The following LAMC3 variants were observed in gnomAD, a reference collection of about 807,000 sequenced individuals.
LAMC3 encodes the protein laminin subunit gamma-3.
LAMC3 carries 128 observed loss-of-function variants against 173.8 expected under a neutral mutation model. The observed-to-expected ratio is 0.74, with a 90% CI of 0.64 to 0.85. The LOEUF is 0.85. LAMC3 is among the 40% of genes least tolerant of loss of function. The pLI is 0.00. For synonymous variants in LAMC3, 897 were observed against 909.1 expected (o/e 0.99, Z 0.24); for missense variants, 2,022 against 2,156.0 (o/e 0.94, Z 1.23).
rs979968382 is a variant in LAMC3 at position 131,009,183 on chromosome 9, C to T, written c.-32C>T. The T allele has an allele frequency of 2.5e-6, 3 of 1,179,846 alleles. No individual in the cohort carries two copies. The highest frequency in any genetic ancestry group is 3.2e-5 in the African/African-American group (2 of 62,132). 73.1% of individuals were successfully genotyped at this position (1,179,846 alleles called of 1,614,324 possible). A position where few individuals can be genotyped will look rare whatever the true frequency, so the allele number is the denominator to read the frequency against. ...CGCGCCCACCCTAGCCGAGCGGGGC[C>T]GGCAGAGCGCGCGGCGTCGGTGCCC... On this transcript the variant is annotated 5_prime_UTR_variant, in exon 1 of 28. Transcript: ENST00000361069. This position sits in a 1 kb window ranked among gnomAD's most constrained non-coding sequence, Gnocchi z 4.3.
chr9:131,012,288 G>A (rs1833430808), intron 1 of LAMC3, among the ~76,000 whole-genome samples: 4 of 152,196 alleles, frequency 2.6e-5, no homozygotes, highest in Admixed American at 2.0e-4. Flanking sequence ...TTTGGACTTA[G>A]GCCCAGCAGA....
chr9:131,056,280 T>C (rs1247124694), intron 11 of LAMC3, among the ~76,000 whole-genome samples: 1 of 152,112 alleles, frequency 6.6e-6, no homozygotes, highest in Non-Finnish European at 1.5e-5. Flanking sequence ...CATTCAGTTA[T>C]GAGTAGCCCA....
In LAMC3 at chr9:131,085,765, C is replaced by CG. The variant is rs1244032411; in HGVS notation, c.4230+48dup. ...TGACAACAGTGGCCTCCTTCCCTCCCGGGGGGACCGCCCTTCCGCGGGCCC... is the reference window on the plus strand; with the variant it reads ...TGACAACAGTGGCCTCCTTCCCTCCCGGGGGGGACCGCCCTTCCGCGGGCCC... On this transcript the variant is annotated intron_variant, in intron 25 of 27. Coordinates refer to ENST00000361069, the MANE Select transcript of LAMC3 (RefSeq NM_006059.4). 3 of 1,591,292 alleles carry CG rather than the reference C, an allele frequency of 1.9e-6. No individual in the cohort carries two copies. The African/African-American group carries it at 4.0e-5, about 21-fold the overall frequency.
intron 24 of LAMC3, among the ~76,000 whole-genome samples, chr9:131,083,806 G>A (rs1039959413): frequency 2.8e-5 from 4 of 144,480 alleles, no homozygotes; most frequent in Non-Finnish European, 6.1e-5. Context: ...TGCCCTCAAA[G>A]ATTAGAAGGC....
chr9:131,052,542 C>T lies in LAMC3; in HGVS notation c.1682C>T (p.Thr561Ile), dbSNP rs199701268. The change falls in exon 10 of 28, where the codon ACC becomes ATC. Residue 561 changes from threonine to isoleucine, a missense_variant. Thr to Ile is a moderately conservative substitution (Grantham distance 89). Transcript: ENST00000361069. ...RFSYGQPLILTFRVPPGDSPL... is the reference protein window; with the variant it reads ...RFSYGQPLILIFRVPPGDSPL... The stretch of plus-strand genomic sequence containing the variant: ...AGCTATGGGCAGCCCCTCATACTGA[C>T]CTTCCGGGTGCCCCCCGGGGACTCC... 8 of 1,614,170 alleles carry T rather than the reference C, an allele frequency of 5.0e-6. No homozygotes were observed. The highest frequency in any genetic ancestry group is 6.8e-6 in the Non-Finnish European group (8 of 1,179,994).
intron 1 of LAMC3, chr9:131,021,113 C>T (rs1045865168): frequency 6.6e-6 from 1 of 152,162 alleles, no homozygotes; most frequent in South Asian, 2.1e-4. Flanking sequence ...AACACAGGCT[C>T]TTCACTGCTT....
At chr9:131,061,799 C>T (rs1433408815) in intron 13 of LAMC3, among the ~76,000 whole-genome samples, 10 of 152,172 alleles carry the variant, frequency 6.6e-5, no homozygotes, top group Admixed American at 5.9e-4. Flanking sequence ...CCTGTAATCT[C>T]AGCACTTTGG....
At chr9:131,055,920 G>A (rs966839041) in intron 11 of LAMC3, among the ~76,000 whole-genome samples, 1 of 152,088 alleles carries the variant, frequency 6.6e-6, no homozygotes, top group Non-Finnish European at 1.5e-5. Context: ...ACTTTAGGCT[G>A]GGCGTGGTGG....
At chr9:131,068,807 A>C (rs1168468950) in intron 15 of LAMC3, 101 bp from the exon 16 acceptor site, 3 of 1,302,688 alleles carry the variant, frequency 2.3e-6, no homozygotes, top group Non-Finnish European at 3.3e-6. Context: ...TCTTGTCAGC[A>C]GAGGGCTGTG....
chr9:131,061,521 G>C (rs1829823991), intron 13 of LAMC3, among the ~76,000 whole-genome samples: 1 of 152,204 alleles, frequency 6.6e-6, no homozygotes, highest in African/African-American at 2.4e-5. Context: ...AGCTGAACAA[G>C]TTCCCTGGGT....
Position 131,061,152 on chromosome 9 carries a change from G to C in LAMC3, c.2276G>C (p.Gly759Ala). The change falls in exon 13 of 28, where the codon GGC (glycine) becomes GCC (alanine). Residue 759 changes from glycine to alanine, a missense_variant. Gly to Ala is a moderately conservative substitution (Grantham distance 60, BLOSUM62 0). Coordinates refer to ENST00000361069, the MANE Select transcript of LAMC3 (RefSeq NM_006059.4). ...GACTGCCAGCCCTGTCCCTGCCCTG[G>C]CCAGTCGGCCTGTACGACCATCCCA... ...ADDCQPCPCPGQSACTTIPES... is the reference protein window; with the variant it reads ...ADDCQPCPCPAQSACTTIPES... The C allele has an allele frequency of 6.2e-7, 1 of 1,613,000 alleles. No individual in the cohort carries two copies. Among genetic ancestry groups the C allele is most frequent in the South Asian group, 1.1e-5 (1 of 91,076 alleles).
At chr9:131,021,099 G>A (rs1365739202) in intron 1 of LAMC3, 1 of 152,158 alleles carries the variant, frequency 6.6e-6, no homozygotes, top group African/African-American at 2.4e-5. Flanking sequence ...TTCTTGCTTG[G>A]AGTAACACAG....
In LAMC3 at chr9:131,009,297, G is replaced by A. The variant is rs1270166404; in HGVS notation, c.83G>A (p.Gly28Asp). 7.0e-6 allele frequency: 10 copies of A among 1,434,634 alleles called. No homozygotes were observed. The South Asian group carries it at 1.3e-4, about 18-fold the overall frequency. The allele number at this position is 1,434,634 out of a possible 1,614,324, so 88.9% of individuals were successfully genotyped here. A position where few individuals can be genotyped will look rare whatever the true frequency, so the allele number is the denominator to read the frequency against. The change falls in exon 1 of 28, where the codon GGC becomes GAC. Residue 28 changes from glycine to aspartate, a missense_variant. Gly to Asp is a moderately conservative substitution (Grantham distance 94, BLOSUM62 -1). Transcript: ENST00000361069. This position sits in a 1 kb window ranked among gnomAD's most constrained non-coding sequence, Gnocchi z 4.3. ...GCGGGCATGGGCGCGTGCTATGACGGCGCAGGGCGCCCGCAGCGCTGCCTG... is the reference window on the plus strand; with the variant it reads ...GCGGGCATGGGCGCGTGCTATGACGACGCAGGGCGCCCGCAGCGCTGCCTG... ...AGAGMGACYDGAGRPQRCLPV... is the reference protein window; with the variant it reads ...AGAGMGACYDDAGRPQRCLPV...
chr9:131,060,961 A>G, intron 12 of LAMC3, 74 bp from the exon 13 acceptor site: 1 of 1,498,524 alleles, frequency 6.7e-7, no homozygotes, highest in Non-Finnish European at 9.3e-7. Context: ...TGTGCTCCCT[A>G]ACCTCTCCCA....
chr9:131,063,197 G>A (rs139101494), intron 13 of LAMC3, among the ~76,000 whole-genome samples: 58 of 152,326 alleles, frequency 3.8e-4, no homozygotes, highest in African/African-American at 1.2e-3. Flanking sequence ...CTCCAGAGCC[G>A]GGAGCTCAAG....
chr9:131,078,888 C>T (rs1830180720), intron 22 of LAMC3, among the ~76,000 whole-genome samples: 1 of 152,220 alleles, frequency 6.6e-6, no homozygotes, highest in Non-Finnish European at 1.5e-5. Flanking sequence ...GTAAGGGCTT[C>T]CCCAGCCTGG....
intron 8 of LAMC3, among the ~76,000 whole-genome samples, chr9:131,046,928 G>A (rs1834175977): frequency 1.3e-5 from 2 of 152,166 alleles, no homozygotes. Context: ...AAGCCGCGCA[G>A]AAAGCAGGAC....
Position 131,026,425 on chromosome 9 carries a change from G to A in LAMC3, c.514G>A (p.Gly172Ser), listed in dbSNP as rs149767552. 105 of 1,613,808 alleles carry A rather than the reference G, an allele frequency of 6.5e-5. No homozygotes were observed. In the African/African-American group the frequency reaches 1.2e-3, roughly 18 times the overall value. ...CAGCGCCTCCTGCCAGAAGACCTAC[G>A]GCCGGCCCGAGGGCCAGTACCTGCG... ...FYSASCQKTY[G>S]RPEGQYLRPG... The change falls in exon 2 of 28, where the codon GGC (glycine) becomes AGC (serine). Residue 172 changes from glycine (G) to serine (S), a missense_variant. By Grantham distance (56) the Gly-to-Ser change is moderately conservative (BLOSUM62 0). Transcript: ENST00000361069. The surrounding 1 kb of genome is among the most constrained non-coding windows in gnomAD (Gnocchi z 4.8).
intron 13 of LAMC3, among the ~76,000 whole-genome samples, chr9:131,063,001 G>A (rs545858262): frequency 7.2e-5 from 11 of 152,160 alleles, no homozygotes; most frequent in Non-Finnish European, 1.0e-4. Flanking sequence ...GAACCATACA[G>A]TATTTGTTCT....
Sources: allele counts gnomAD v4.1 joint callset (sites outside exome capture counted in the v4.1 genomes callset), GRCh38; gene constraint gnomAD v4.1.1; non-coding constraint Gnocchi (gnomAD v3.1); transcripts MANE v1.5; gene names NCBI Gene and HGNC (gene_info 2026-07-23, HGNC 2026-07-21).